Variants in CAPS2 observed in about 807,000 individuals in gnomAD.
CAPS2 encodes the protein calcyphosine 2.
Under a neutral mutation model 86.5 loss-of-function variants are expected in CAPS2, and 98 were observed. That is an observed-to-expected ratio of 1.13 (90% CI 0.96 to 1.34). The LOEUF is 1.34. Among genes scored for constraint, CAPS2 ranks in the 40% most tolerant of loss-of-function variants. The pLI is 0.00. For missense variants in CAPS2, 729 were observed against 686.8 expected, an observed-to-expected ratio of 1.06 and a Z score of -0.69; for synonymous variants, 210 against 225.1, an observed-to-expected ratio of 0.93 and a Z score of 0.60.
intron 1 of CAPS2, among the ~76,000 whole-genome samples, chr12:75,365,730 T>C (rs1352932093): frequency 1.3e-5 from 2 of 152,150 alleles, no homozygotes; most frequent in African/African-American, 4.8e-5. Context: ...AAAACTGTGA[T>C]AGTCATCATT....
At chr12:75,355,050 T>A (rs1056186328) in intron 1 of CAPS2, among the ~76,000 whole-genome samples, 2 of 152,048 alleles carry the variant, frequency 1.3e-5, no homozygotes, top group African/African-American at 4.8e-5. Context: ...TAGGCAATAC[T>A]ATTCAGGACA....
upstream of CAPS2, among the ~76,000 whole-genome samples, chr12:75,328,373 T>C (rs1426310838): frequency 6.6e-6 from 1 of 152,164 alleles, no homozygotes; most frequent in African/African-American, 2.4e-5. Context: ...CAAATCAGTA[T>C]AATTTATTTG....
At chr12:75,296,167 A>T (rs2036836976) in intron 11 of CAPS2, among the ~76,000 whole-genome samples, 1 of 151,730 alleles carries the variant, frequency 6.6e-6, no homozygotes. Context: ...GTAAATAATT[A>T]TTATGTTAAG....
At chr12:75,343,183 C>G (rs2042232022) in intron 1 of CAPS2, among the ~76,000 whole-genome samples, 2 of 151,890 alleles carry the variant, frequency 1.3e-5, no homozygotes, top group African/African-American at 4.8e-5. Flanking sequence ...ATAGAAATAA[C>G]AAGGGCAGAT....
chr12:75,333,259 C>CACACAT (rs1555213911), upstream of CAPS2, among the ~76,000 whole-genome samples: 431 of 151,890 alleles, frequency 2.8e-3, 2 homozygotes, highest in Middle Eastern at 0.01. Flanking sequence ...GACACACACA[C>CACACAT]ATATATGTGT....
intron 6 of CAPS2, 50 bp from the exon 7 acceptor site, chr12:75,312,965 A>G: frequency 2.0e-6 from 2 of 1,010,532 alleles, no homozygotes; most frequent in Non-Finnish European, 3.1e-6. Flanking sequence ...GCAGAACCAT[A>G]CAATACTTAA....
chr12:75,306,042 G>A, intron 7 of CAPS2: 1 of 1,469,636 alleles, frequency 6.8e-7, no homozygotes, highest in Non-Finnish European at 9.3e-7. Context: ...GGGCCGCGGC[G>A]CCAGAGACAG....
chr12:75,383,077 T>C (rs2139826197), intron 1 of CAPS2, among the ~76,000 whole-genome samples: 1 of 152,366 alleles, frequency 6.6e-6, no homozygotes, highest in African/African-American at 2.4e-5. Flanking sequence ...ACACAACCTG[T>C]GATTTAATAC....
chr12:75,333,526 T>C (rs2139194138), upstream of CAPS2, among the ~76,000 whole-genome samples: 1 of 152,320 alleles, frequency 6.6e-6, no homozygotes, highest in South Asian at 2.1e-4. Flanking sequence ...ATGTATGTGA[T>C]ATGAAAGTAG....
intron 1 of CAPS2, among the ~76,000 whole-genome samples, chr12:75,349,965 G>T (rs1345147698): frequency 1.3e-5 from 2 of 152,234 alleles, no homozygotes; most frequent in East Asian, 3.9e-4. Context: ...AGCGGGGCAG[G>T]CTGGAGACTG....
chr12:75,381,797 T>C (rs539827878), intron 1 of CAPS2, among the ~76,000 whole-genome samples: 1 of 152,068 alleles, frequency 6.6e-6, no homozygotes, highest in African/African-American at 2.4e-5. Flanking sequence ...GTATTTTTAG[T>C]AGAGACAGGG....
rs764314438 is a variant in CAPS2, at chr12:75,311,699, G to GAAAAAAAAAAAAAAAAA, written c.659+1148_659+1149insTTTTTTTTTTTTTTTTT. 1.2e-4 allele frequency among the ~76,000 whole-genome samples: 2 copies of GAAAAAAAAAAAAAAAAA among 16,992 alleles called. 1 individual carries two copies. The highest frequency in any genetic ancestry group is 2.5e-4 in the African/African-American group (2 of 8,074). The allele number at this position is 16,992 out of a possible 152,430, so 11.1% of individuals were successfully genotyped here. A position where few individuals can be genotyped will look rare whatever the true frequency, so the allele number is the denominator to read the frequency against. On this transcript the variant is annotated intron_variant, in intron 7 of 16. Transcript: ENST00000393284. Reference sequence around the variant, plus strand: ...CGTGTCACGTGCAGGAAGCCATGCAGGAAAAAAAAAAACAAAAAAAAAAAC... The same window carrying GAAAAAAAAAAAAAAAAA: ...CGTGTCACGTGCAGGAAGCCATGCAGAAAAAAAAAAAAAAAAAGAAAAAAAAAAACAAAAAAAAAAAC...
chr12:75,280,457 T>C (rs1024536659), intron 16 of CAPS2, among the ~76,000 whole-genome samples: 7 of 151,740 alleles, frequency 4.6e-5, no homozygotes, highest in African/African-American at 1.4e-4. Context: ...AAAAAAGGCT[T>C]TCCCAACAAC....
At position 75,316,345 on chromosome 12, in the gene CAPS2, G is replaced by A. The variant is rs114900986; in HGVS notation, c.558C>T (p.Cys186=). 5.3e-5 allele frequency: 82 copies of A among 1,550,834 alleles called. 1 individual carries two copies. The Middle Eastern group carries it at 3.5e-3, about 66-fold the overall frequency. Reference sequence around the variant, plus strand: ...ATTTTCTTGCCCTCTGTTGTTTATCGCAAGAGTTGTCTGCATAACCTTGCT... The same window carrying A: ...ATTTTCTTGCCCTCTGTTGTTTATCACAAGAGTTGTCTGCATAACCTTGCT... Residue 186 remains cysteine (C), a synonymous_variant, in exon 6 of 17, where the codon TGC becomes TGT. Coordinates refer to ENST00000393284, the Ensembl canonical transcript of CAPS2.
intron 14 of CAPS2, among the ~76,000 whole-genome samples, chr12:75,286,446 T>A (rs1241228865): frequency 6.6e-6 from 1 of 151,874 alleles, no homozygotes; most frequent in South Asian, 2.1e-4. Context: ...TTAAAAGAAA[T>A]AATTTTCAAG....
At chr12:75,346,661 T>C (rs771395526) in intron 1 of CAPS2, among the ~76,000 whole-genome samples, 15 of 152,236 alleles carry the variant, frequency 9.9e-5, no homozygotes, top group Non-Finnish European at 1.6e-4. Flanking sequence ...ATCTCGTTTT[T>C]AAGTTCTCAG....
At chr12:75,299,715 A>G in intron 9 of CAPS2, 122 bp downstream of exon 9, 1 of 458,480 alleles carries the variant, frequency 2.2e-6, no homozygotes, top group Non-Finnish European at 4.0e-6. Flanking sequence ...GTTTGTTCTA[A>G]ATTCACGTAT....
chr12:75,294,056 C>T (rs750302488), intron 11 of CAPS2, among the ~76,000 whole-genome samples: 4 of 152,076 alleles, frequency 2.6e-5, no homozygotes, highest in African/African-American at 4.8e-5. Flanking sequence ...CCTCAGTCTC[C>T]GAAGTAGCTG....
At chr12:75,300,397 T>C (rs1161442736) in intron 8 of CAPS2, among the ~76,000 whole-genome samples, 3 of 150,762 alleles carry the variant, frequency 2.0e-5, no homozygotes, top group South Asian at 2.1e-4. Flanking sequence ...CTACTAAAAA[T>C]TACAAAAAAT....
Sources: gnomAD v4.1 joint callset for allele counts (sites outside exome capture counted in the v4.1 genomes callset) on GRCh38, gnomAD v4.1.1 for gene constraint, MANE v1.5 for transcripts, NCBI Gene and HGNC (gene_info 2026-07-23, HGNC 2026-07-21) for gene names.